Variants in GXYLT2 observed in about 807,000 individuals in gnomAD.
The protein encoded by GXYLT2 is glucoside xylosyltransferase 2.
In GXYLT2, 53 loss-of-function variants were observed where a neutral mutation model predicts 45.8. The ratio of observed to expected loss-of-function variants is 1.16; its 90% CI spans 0.93 to 1.46. The LOEUF (loss-of-function observed/expected upper bound fraction) is 1.46, where lower values mean the gene tolerates loss of function less well. Among genes scored for constraint, GXYLT2 ranks in the 40% most tolerant of loss-of-function variants. GXYLT2 has a pLI of 0.00. For synonymous variants in GXYLT2, 219 were observed against 214.2 expected, an observed-to-expected ratio of 1.02 and a Z score of -0.19; for missense variants, 551 against 544.4, an observed-to-expected ratio of 1.01 and a Z score of -0.12.
At chr3:72,941,793 TAAAAA>T (rs1018168843) in intron 3 of GXYLT2, among the ~76,000 whole-genome samples, 1 of 151,958 alleles carries the variant, frequency 6.6e-6, no homozygotes, top group African/African-American at 2.4e-5. Flanking sequence ...AAGGAAAAGA[TAAAAA>T]TAAGAAAAAG....
chr3:72,972,266 A>G (rs1710999531), intron 6 of GXYLT2, among the ~76,000 whole-genome samples: 2 of 152,188 alleles, frequency 1.3e-5, no homozygotes, highest in Non-Finnish European at 2.9e-5. Context: ...ACAGTCACTT[A>G]TGAAGCATCT....
At chr3:72,894,948 G>T (rs1709259181) in intron 1 of GXYLT2, among the ~76,000 whole-genome samples, 1 of 152,166 alleles carries the variant, frequency 6.6e-6, no homozygotes, top group South Asian at 2.1e-4. Context: ...TCCCCTGTAT[G>T]GAAGCCCCCA....
chr3:72,929,366 A>G (rs111346488), intron 3 of GXYLT2: 18,499 of 1,015,710 alleles, frequency 0.018, 244 homozygotes, highest in Non-Finnish European at 0.022. Context: ...ACATTTGGGG[A>G]AAAAAAAATA....
intron 3 of GXYLT2, among the ~76,000 whole-genome samples, chr3:72,944,407 A>C (rs1352191841): frequency 6.6e-6 from 1 of 151,950 alleles, no homozygotes; most frequent in African/African-American, 2.4e-5. Context: ...AACGTGTGCC[A>C]CCATGCCCAG....
chr3:72,945,094 C>G (rs955412494), intron 3 of GXYLT2, among the ~76,000 whole-genome samples: 7 of 144,044 alleles, frequency 4.9e-5, no homozygotes, highest in African/African-American at 1.8e-4. Context: ...CTGGCTAACA[C>G]GGTGAAACCC....
chr3:72,963,059 C>T (rs1393878204), intron 5 of GXYLT2, among the ~76,000 whole-genome samples: 1 of 151,928 alleles, frequency 6.6e-6, no homozygotes, highest in Non-Finnish European at 1.5e-5. Flanking sequence ...TGCCTGTAAT[C>T]TCAACGCTTT....
At chr3:72,889,907 G>GGTTTT (rs1215251183) in intron 1 of GXYLT2, among the ~76,000 whole-genome samples, 3 of 118,792 alleles carry the variant, frequency 2.5e-5, no homozygotes, top group African/African-American at 1.0e-4. Context: ...TTTTTTTTTT[G>GGTTTT]TTTTTTTTTT....
intron 5 of GXYLT2, among the ~76,000 whole-genome samples, chr3:72,960,667 C>A (rs761125190): frequency 1.3e-5 from 2 of 152,222 alleles, no homozygotes; most frequent in Non-Finnish European, 2.9e-5. Context: ...CTTCCTATTT[C>A]ATACTTTACC....
At chr3:72,912,306 A>C (rs1032357385) in intron 2 of GXYLT2, among the ~76,000 whole-genome samples, 8 of 151,916 alleles carry the variant, frequency 5.3e-5, no homozygotes, top group African/African-American at 1.9e-4. Context: ...CACTGTGCCC[A>C]GCACTGGCTA....
chr3:72,888,406 G>A lies in GXYLT2; in HGVS notation c.173G>A (p.Gly58Asp). Residue 58 changes from glycine (G) to aspartate (D), a missense_variant, in exon 1 of 7, where the codon GGC becomes GAC. By Grantham distance (94) the Gly-to-Asp change is moderately conservative (BLOSUM62 -1). Transcript: ENST00000389617. ...GTCCCCGCGCGCTGGCCGGGGCCGG[G>A]CGCCCTCCCCGGGGCCAGCCCGGGA... ...APVPARWPGP[G>D]ALPGASPGVR... The A allele has an allele frequency of 9.8e-7, 1 of 1,019,886 alleles. No homozygotes were observed. Among genetic ancestry groups the A allele is most frequent in the Non-Finnish European group, 1.2e-6 (1 of 854,324 alleles). 63.2% of individuals were successfully genotyped at this position (1,019,886 alleles called of 1,614,324 possible).
In GXYLT2 at chr3:72,948,356, G is replaced by A. The variant is rs138867476; in HGVS notation, c.601-6742G>A. 5.6e-3 allele frequency among the ~76,000 whole-genome samples: 848 copies of A among 152,268 alleles called. 5 individuals are homozygous for A. Among genetic ancestry groups the A allele is most frequent in the Non-Finnish European group, 8.8e-3 (598 of 68,026 alleles). ...CAGGGAACATTCACCAAGATAGGCCGTATCCTGGGCCATAAAACAAGTCTC... is the reference window on the plus strand; with the variant it reads ...CAGGGAACATTCACCAAGATAGGCCATATCCTGGGCCATAAAACAAGTCTC... On this transcript the variant is annotated intron_variant, in intron 3 of 6. Coordinates refer to ENST00000389617, the MANE Select transcript of GXYLT2 (RefSeq NM_001080393.2).
chr3:72,945,912 CAA>C (rs530292989), intron 3 of GXYLT2, among the ~76,000 whole-genome samples: 6 of 152,268 alleles, frequency 3.9e-5, no homozygotes, highest in Admixed American at 3.3e-4. Context: ...TGATCAAAAA[CAA>C]GAGTTCACAA....
chr3:72,968,738 C>T (rs1710922786), intron 6 of GXYLT2, among the ~76,000 whole-genome samples: 1 of 151,750 alleles, frequency 6.6e-6, no homozygotes, highest in South Asian at 2.1e-4. Flanking sequence ...CCAGCCTGGC[C>T]AATATGGTGA....
intron 5 of GXYLT2, among the ~76,000 whole-genome samples, chr3:72,958,919 ACGGTGCC>A (rs1710706509): frequency 6.7e-6 from 1 of 150,172 alleles, no homozygotes; most frequent in Non-Finnish European, 1.5e-5. Flanking sequence ...GGCATCAGCC[ACGGTGCC>A]CAGGTATTTT....
intron 5 of GXYLT2, among the ~76,000 whole-genome samples, chr3:72,962,761 G>A (rs1010424039): frequency 3.9e-5 from 6 of 152,116 alleles, no homozygotes; most frequent in African/African-American, 1.4e-4. Context: ...ATCACAAATT[G>A]TGATAAATGA....
intron 1 of GXYLT2, among the ~76,000 whole-genome samples, chr3:72,903,645 C>T (rs924299391): frequency 2.0e-5 from 3 of 152,166 alleles, no homozygotes; most frequent in African/African-American, 7.2e-5. Flanking sequence ...AATCCCCTGC[C>T]CTACATGGTG....
At chr3:72,972,748 G>A (rs1444257030) in intron 6 of GXYLT2, among the ~76,000 whole-genome samples, 13 of 145,184 alleles carry the variant, frequency 9.0e-5, no homozygotes, top group African/African-American at 2.3e-4. Context: ...AGTGAGATGC[G>A]TCTCTACAAA....
At chr3:72,959,779 C>T (rs1710734042) in intron 5 of GXYLT2, among the ~76,000 whole-genome samples, 3 of 151,922 alleles carry the variant, frequency 2.0e-5, no homozygotes, top group Non-Finnish European at 2.9e-5. Flanking sequence ...GGACTACAGG[C>T]ATGCACCATC....
intron 5 of GXYLT2, among the ~76,000 whole-genome samples, chr3:72,966,352 T>C (rs1054048388): frequency 1.3e-5 from 2 of 151,438 alleles, no homozygotes; most frequent in Non-Finnish European, 2.9e-5. Context: ...GCAGAATCTT[T>C]ACTTTAATCT....
Sources: allele counts gnomAD v4.1 joint callset (sites outside exome capture counted in the v4.1 genomes callset), GRCh38; gene constraint gnomAD v4.1.1; transcripts MANE v1.5; gene names NCBI Gene and HGNC (gene_info 2026-07-23, HGNC 2026-07-21).